Variants in PVT1 observed in about 807,000 individuals in gnomAD.
PVT1 encodes CXCR4/PVT1 fusion.
chr8:128,047,594 C>T (rs1050632482), intron 4 of PVT1, among the ~76,000 whole-genome samples: 1 of 152,106 alleles, frequency 6.6e-6, no homozygotes, highest in Non-Finnish European at 1.5e-5. Context: ...AAACACTGGG[C>T]GAATCCTAAG....
At chr8:127,809,011 C>T (rs1263054648) in intron 2 of PVT1, among the ~76,000 whole-genome samples, 7 of 52,114 alleles carry the variant, frequency 1.3e-4, no homozygotes, top group African/African-American at 5.4e-4. Context: ...GCCTGGGCAA[C>T]AAAGTGAGAT....
intron 5 of PVT1, among the ~76,000 whole-genome samples, chr8:128,093,928 G>A (rs13275589): frequency 6.6e-6 from 1 of 152,198 alleles, no homozygotes; most frequent in African/African-American, 2.4e-5. Flanking sequence ...GAGCCACCGT[G>A]CCGTGCCAGC....
intron 2 of PVT1, among the ~76,000 whole-genome samples, chr8:127,827,506 C>A (rs1040432803): frequency 6.6e-6 from 1 of 152,110 alleles, no homozygotes; most frequent in Non-Finnish European, 1.5e-5. Flanking sequence ...TTTTTGGCTT[C>A]CTCCTAACCA....
rs566476949 is a variant in PVT1, at chr8:128,011,186, G to A, written n.912+21895G>A. ...TCAAATTGATTTCCTCAGCATATACGAGTCATGTTTTGTAAGCATGGTGGG... is the reference window on the plus strand; with the variant it reads ...TCAAATTGATTTCCTCAGCATATACAAGTCATGTTTTGTAAGCATGGTGGG... On this transcript the variant is annotated intron_variant and non_coding_transcript_variant, in intron 4 of 10. Coordinates refer to ENST00000651587, the Ensembl canonical transcript of PVT1. Among the ~76,000 whole-genome samples the A allele has an allele frequency of 3.9e-5, 6 of 152,204 alleles. No individual in the cohort carries two copies. In the South Asian group the frequency reaches 6.2e-4, roughly 16 times the overall value.
chr8:127,909,709 A>C (rs952946861), intron 3 of PVT1, among the ~76,000 whole-genome samples: 1 of 152,112 alleles, frequency 6.6e-6, no homozygotes, highest in Non-Finnish European at 1.5e-5. Context: ...GTGGTGGTAC[A>C]GGGTAGGGTG....
intron 3 of PVT1, among the ~76,000 whole-genome samples, chr8:127,981,075 C>T (rs368712169): frequency 1.3e-5 from 2 of 152,142 alleles, no homozygotes; most frequent in Non-Finnish European, 2.9e-5. Context: ...GGATTATAGA[C>T]GTGAGCTACC....
rs1284910605 is a variant in PVT1, at chr8:127,951,818, C to T, written n.783-37344C>T. On this transcript the variant is annotated intron_variant and non_coding_transcript_variant, in intron 3 of 10. Transcript: ENST00000651587. ...CCTTACAAAAACAAAAACAGAATTC[C>T]TTTTTTTTTTTTTTTAAGATGGAGT... is the stretch of plus-strand genomic sequence containing the variant. Among the ~76,000 whole-genome samples the T allele has an allele frequency of 2.1e-5, 3 of 144,726 alleles. No homozygotes were observed. The East Asian group carries it at 6.1e-4, about 29-fold the overall frequency. The allele number at this position is 144,726 out of a possible 152,430, so 94.9% of individuals were successfully genotyped here.
At position 127,952,106 on chromosome 8, in the gene PVT1, G is replaced by T. The variant is rs573195150; in HGVS notation, n.783-37056G>T. Among the ~76,000 whole-genome samples the T allele has an allele frequency of 2.0e-5, 3 of 152,126 alleles. No homozygotes were observed. The South Asian group carries it at 6.2e-4, about 32-fold the overall frequency. The stretch of plus-strand genomic sequence containing the variant: ...TGAGATTACAGACGTGAGCCACCGC[G>T]CCTGGCCAAAAAACAGAATTCTTTC... On this transcript the variant is annotated intron_variant and non_coding_transcript_variant, in intron 3 of 10. Transcript: ENST00000651587.
At chr8:127,796,136 T>G (rs1430067234) in intron 2 of PVT1, 1 of 169,002 alleles carries the variant, frequency 5.9e-6, no homozygotes, top group Non-Finnish European at 1.5e-5. Flanking sequence ...GTGGTTGTGT[T>G]GCTGTTTTGC....
At chr8:127,894,027 A>G (rs1472519813) in intron 3 of PVT1, among the ~76,000 whole-genome samples, 1 of 152,154 alleles carries the variant, frequency 6.6e-6, no homozygotes, top group Non-Finnish European at 1.5e-5. Flanking sequence ...ATTTCATGTC[A>G]CAAGCCTGCT....
At chr8:128,087,018 G>A (rs1426168635) in intron 5 of PVT1, among the ~76,000 whole-genome samples, 1 of 152,236 alleles carries the variant, frequency 6.6e-6, no homozygotes, top group Non-Finnish European at 1.5e-5. Flanking sequence ...TCATAATGCA[G>A]CGTCTTTGCT....
intron 2 of PVT1, among the ~76,000 whole-genome samples, chr8:127,844,812 C>G (rs1484104866): frequency 3.9e-5 from 6 of 152,100 alleles, no homozygotes; most frequent in Non-Finnish European, 1.5e-5. Flanking sequence ...CTCCTGGGTT[C>G]ATGCCATTCT....
intron 4 of PVT1, among the ~76,000 whole-genome samples, chr8:128,059,205 C>T (rs1362732264): frequency 6.6e-6 from 1 of 152,098 alleles, no homozygotes; most frequent in Non-Finnish European, 1.5e-5. Context: ...ATGTGAGAAC[C>T]CCCTTTGTAC....
At chr8:128,007,219 C>T (rs1352934997) in intron 4 of PVT1, among the ~76,000 whole-genome samples, 1 of 152,078 alleles carries the variant, frequency 6.6e-6, no homozygotes, top group African/African-American at 2.4e-5. Flanking sequence ...ATTTGAATAT[C>T]GTCTCTAGAT....
chr8:127,954,643 C>T (rs1816547734), intron 3 of PVT1, among the ~76,000 whole-genome samples: 1 of 152,226 alleles, frequency 6.6e-6, no homozygotes, highest in African/African-American at 2.4e-5. Flanking sequence ...CCCAGTGCCT[C>T]TCCCAGGTGG....
rs547354806 is a variant in PVT1 at position 127,967,169 on chromosome 8, G to T, written n.783-21993G>T. Among the ~76,000 whole-genome samples the T allele has an allele frequency of 5.9e-5, 9 of 152,304 alleles. No individual in the cohort carries two copies. In the South Asian group the frequency reaches 1.9e-3, roughly 32 times the overall value. On this transcript the variant is annotated intron_variant and non_coding_transcript_variant, in intron 3 of 10. Transcript: ENST00000651587. ...GGTTGGATGCTGTTTGGTGAGAATG[G>T]ATGCATACCCACCCGCTGATGACAA...
intron 5 of PVT1, among the ~76,000 whole-genome samples, chr8:128,083,871 T>G (rs1247771837): frequency 6.6e-6 from 1 of 152,222 alleles, no homozygotes; most frequent in African/African-American, 2.4e-5. Flanking sequence ...GGTCCCACTC[T>G]AATTTGGGCA....
intron 5 of PVT1, among the ~76,000 whole-genome samples, chr8:128,088,701 G>A (rs1814309979): frequency 6.6e-6 from 1 of 152,234 alleles, no homozygotes; most frequent in Non-Finnish European, 1.5e-5. Context: ...TCTGCAGTTT[G>A]GGGATGGAGT....
chr8:127,818,390 CT>C (rs1339155136), intron 2 of PVT1, among the ~76,000 whole-genome samples: 1 of 152,218 alleles, frequency 6.6e-6, no homozygotes, highest in Non-Finnish European at 1.5e-5. Flanking sequence ...TGCCCCCTGC[CT>C]GACATTCCAT....
Sources: gnomAD v4.1 joint callset for allele counts (sites outside exome capture counted in the v4.1 genomes callset) on GRCh38, gnomAD v4.1.1 for gene constraint, MANE v1.5 for transcripts, NCBI Gene and HGNC (gene_info 2026-07-23, HGNC 2026-07-21) for gene names.